PCNX2: variants seen among roughly 807,000 people sequenced by gnomAD.
The protein encoded by PCNX2 is pecanex-like protein 2.
Under a neutral mutation model 223.8 loss-of-function variants are expected in PCNX2, and 168 were observed. The observed-to-expected ratio is 0.75, with a 90% CI of 0.66 to 0.85. The LOEUF is 0.85. Among genes scored for constraint, PCNX2 ranks in the 40% least tolerant of loss-of-function variants. PCNX2 has a pLI of 0.00. For missense variants in PCNX2, 2,507 were observed against 2,675.5 expected (o/e 0.94, Z 1.39); for synonymous variants, 1,006 against 1,052.6 (o/e 0.96, Z 0.86).
chr1:233,033,562 CAT>C (rs1319932574), intron 25 of PCNX2, among the ~76,000 whole-genome samples: 15 of 152,330 alleles, frequency 9.8e-5, no homozygotes, highest in African/African-American at 3.1e-4. Context: ...CCAGGATCCT[CAT>C]AAAGAGAACA....
At position 233,000,819 on chromosome 1, in the gene PCNX2, C is replaced by G. The variant is rs1035319859; in HGVS notation, c.5098-284G>C. ...TTGGGCACTTTTGCTAAGTCATTGT[C>G]TCTGCACAATACCCATCTTTCTTCT... On this transcript the variant is annotated intron_variant, in intron 29 of 33. Transcript: ENST00000258229. The surrounding 1 kb of genome is among the most constrained non-coding windows in gnomAD (Gnocchi z 4.6). 3.9e-5 allele frequency among the ~76,000 whole-genome samples: 6 copies of G among 152,196 alleles called. No homozygotes were observed. The highest frequency in any genetic ancestry group is 8.8e-5 in the Non-Finnish European group (6 of 68,046).
intron 25 of PCNX2, among the ~76,000 whole-genome samples, chr1:233,046,169 A>G (rs1671816988): frequency 1.3e-5 from 2 of 152,216 alleles, no homozygotes; most frequent in Non-Finnish European, 2.9e-5. Flanking sequence ...TCCTGTGAAC[A>G]TTTCATGTTT....
At chr1:232,989,403 G>A (rs944205349) in intron 32 of PCNX2, among the ~76,000 whole-genome samples, 2 of 151,948 alleles carry the variant, frequency 1.3e-5, no homozygotes, top group South Asian at 2.1e-4. Flanking sequence ...GCAGTGAGCC[G>A]AGATAGCGCC....
At chr1:233,302,925 G>T in the PCNX2 span, among the ~76,000 whole-genome samples, 2 of 152,080 alleles carry the variant, frequency 1.3e-5, no homozygotes, top group African/African-American at 4.8e-5. Context: ...GATTAGTTTT[G>T]TAAATGTGTG....
intron 28 of PCNX2, 148 bp downstream of exon 28, chr1:233,014,517 G>A: frequency 1.6e-6 from 1 of 637,560 alleles, no homozygotes; most frequent in Admixed American, 3.0e-5. Flanking sequence ...TGTTCATGTA[G>A]GCCCAATATA....
Position 233,000,665 on chromosome 1 carries a change from T to G in PCNX2, c.5098-130A>C. ...TTCCTCATCTTCCTCTCTCCTGTTCTTTTTCCAAATCCTGAGCTCGGCACA... is the reference window on the plus strand; with the variant it reads ...TTCCTCATCTTCCTCTCTCCTGTTCGTTTTCCAAATCCTGAGCTCGGCACA... On this transcript the variant is annotated intron_variant, in intron 29 of 33. Transcript: ENST00000258229. The surrounding 1 kb of genome is among the most constrained non-coding windows in gnomAD (Gnocchi z 4.6). 1.4e-6 allele frequency: 1 copy of G among 712,648 alleles called. No individual in the cohort carries two copies. Among genetic ancestry groups the G allele is most frequent in the South Asian group, 1.8e-5 (1 of 54,820 alleles). The allele number at this position is 712,648 out of a possible 1,614,324, so 44.1% of individuals were successfully genotyped here.
intron 28 of PCNX2, among the ~76,000 whole-genome samples, chr1:233,004,374 G>A (rs1221516629): frequency 2.0e-5 from 3 of 152,124 alleles, no homozygotes; most frequent in South Asian, 2.1e-4. Flanking sequence ...TCAGAGCCTG[G>A]GGCCTTTAAA....
chr1:233,040,523 A>G (rs1196452563), intron 25 of PCNX2, among the ~76,000 whole-genome samples: 1 of 152,040 alleles, frequency 6.6e-6, no homozygotes, highest in Non-Finnish European at 1.5e-5. Context: ...CATGTCTCCC[A>G]CCACTTGGTC....
At position 233,258,456 on chromosome 1, in the gene PCNX2, C is replaced by T. The variant is rs373308190; in HGVS notation, c.1406G>A (p.Gly469Asp). The T allele has an allele frequency of 1.2e-5, 20 of 1,613,956 alleles. No individual in the cohort carries two copies. The African/African-American group carries it at 2.3e-4, about 18-fold the overall frequency. ...KTRVSTNQCS[G>D]YGSGEGGNAI... ...ATTTCCCCCCTCCCCAGATCCGTAG[C>T]CAGAACACTGATTGGTGGATACCCT... Residue 469 changes from glycine to aspartate, a missense_variant, in exon 5 of 34, where the codon GGC becomes GAC. Around this residue, in one of 3 missense-constraint regions of PCNX2, gnomAD observed 1,031 missense variants for 1,021.7 expected, o/e 1.01. Coordinates refer to ENST00000258229, the MANE Select transcript of PCNX2 (RefSeq NM_014801.4).
At chr1:233,193,811 A>G (rs575285411) in intron 15 of PCNX2, among the ~76,000 whole-genome samples, 2 of 152,300 alleles carry the variant, frequency 1.3e-5, no homozygotes, top group South Asian at 2.1e-4. Context: ...ACACAGCAGG[A>G]GAAAGAACTG....
At chr1:233,175,163 GA>G (rs1285428666) in intron 17 of PCNX2, among the ~76,000 whole-genome samples, 3 of 148,256 alleles carry the variant, frequency 2.0e-5, no homozygotes, top group East Asian at 3.9e-4. Flanking sequence ...GAGACAATGG[GA>G]GGGGGGTTTA....
At chr1:233,141,195 A>G (rs1230541132) in intron 19 of PCNX2, among the ~76,000 whole-genome samples, 1 of 152,230 alleles carries the variant, frequency 6.6e-6, no homozygotes, top group Non-Finnish European at 1.5e-5. Context: ...ATTAGCATAC[A>G]AATTGTCTGT....
intron 21 of PCNX2, among the ~76,000 whole-genome samples, chr1:233,133,096 G>A (rs944321465): frequency 1.3e-5 from 2 of 151,660 alleles, no homozygotes; most frequent in Admixed American, 6.6e-5. Flanking sequence ...ACTGGGTTTC[G>A]CCATGTTGCC....
chr1:233,082,905 G>T (rs997792636), intron 23 of PCNX2, among the ~76,000 whole-genome samples: 3 of 152,176 alleles, frequency 2.0e-5, no homozygotes, highest in Non-Finnish European at 4.4e-5. Flanking sequence ...GGGGCTGGAG[G>T]CGTGAAAGAT....
At chr1:233,323,343 A>G in the PCNX2 span, among the ~76,000 whole-genome samples, 4 of 152,224 alleles carry the variant, frequency 2.6e-5, no homozygotes, top group Admixed American at 1.3e-4. Context: ...TCAGATGCTC[A>G]AGTCCCATAT....
At chr1:233,317,349 G>T in the PCNX2 span, among the ~76,000 whole-genome samples, 3 of 152,200 alleles carry the variant, frequency 2.0e-5, no homozygotes, top group Admixed American at 1.3e-4. Flanking sequence ...GGGAGGCAAA[G>T]GTTGCAGTGA....
In PCNX2 at chr1:233,132,703, C is replaced by T. The variant is rs185717724; in HGVS notation, c.3837+2310G>A. ...CTACTTACATACAGCTTTAAAAACACGACCTTCTATTGGAGAGTATGTTCT... is the reference window on the plus strand; with the variant it reads ...CTACTTACATACAGCTTTAAAAACATGACCTTCTATTGGAGAGTATGTTCT... On this transcript the variant is annotated intron_variant, in intron 21 of 33. Coordinates refer to ENST00000258229, the MANE Select transcript of PCNX2 (RefSeq NM_014801.4). 3.0e-4 allele frequency among the ~76,000 whole-genome samples: 45 copies of T among 152,202 alleles called. No homozygotes were observed. The Middle Eastern group carries it at 0.01, about 35-fold the overall frequency.
chr1:233,258,996 C>A lies in PCNX2; in HGVS notation c.866G>T (p.Ser289Ile). 1.2e-6 allele frequency: 2 copies of A among 1,613,944 alleles called. No individual in the cohort carries two copies. Among genetic ancestry groups the A allele is most frequent in the Non-Finnish European group, 1.7e-6 (2 of 1,179,870 alleles). Residue 289 changes from serine to isoleucine, a missense_variant, in exon 5 of 34, where the codon AGT (serine) becomes ATT (isoleucine). Physicochemically the swap from Ser to Ile is moderately radical, Grantham distance 142. This residue lies in a region of PCNX2 where 1,031 missense variants were observed against 1,021.7 expected (regional missense o/e 1.01). Transcript: ENST00000258229. ...ENSVLIPEPV[S>I]CPRGSIRERV... ...TTCCCTTATGGAGCCCCGGGGACAA[C>A]TGACAGGTTCTGGAATCAGGACTGA... is the stretch of plus-strand genomic sequence containing the variant.
intron 28 of PCNX2, among the ~76,000 whole-genome samples, chr1:233,012,941 A>G (rs1472760927): frequency 6.6e-6 from 1 of 152,150 alleles, no homozygotes; most frequent in Non-Finnish European, 1.5e-5. Context: ...CCCTTCTCAA[A>G]CACTGTTCTC....
Sources: gnomAD v4.1 joint callset for allele counts (sites outside exome capture counted in the v4.1 genomes callset) on GRCh38, gnomAD v4.1.1 for gene constraint, gnomAD v4.1.1 regional missense constraint, Gnocchi (gnomAD v3.1) non-coding constraint, MANE v1.5 for transcripts, NCBI Gene and HGNC (gene_info 2026-07-23, HGNC 2026-07-21) for gene names.